The following COMMD10 variants were observed in gnomAD, a reference collection of about 807,000 sequenced individuals.
COMMD10 encodes COMM domain containing 10.
COMMD10 carries 33 observed loss-of-function variants against 28.9 expected under a neutral mutation model. The ratio of observed to expected loss-of-function variants is 1.14; its 90% confidence interval spans 0.87 to 1.53. The LOEUF (loss-of-function observed/expected upper bound fraction) is 1.53. Among genes scored for constraint, COMMD10 ranks in the 40% most tolerant of loss-of-function variants. The probability of loss-of-function intolerance (pLI) is 0.00; values close to 1 mark genes in which losing one functional copy is unlikely to be tolerated. For missense variants in COMMD10, 310 were observed against 233.4 expected (o/e 1.33, Z -2.14); for synonymous variants, 110 against 81.7 (o/e 1.35, Z -1.87).
At chr5:116,168,557 A>G (rs1196580705) in intron 5 of COMMD10, among the ~76,000 whole-genome samples, 2 of 152,158 alleles carry the variant, frequency 1.3e-5, no homozygotes, top group Admixed American at 1.3e-4. Context: ...TCCCGCACTT[A>G]TTCTAAAATT....
chr5:116,104,714 AG>A (rs1281148928), intron 4 of COMMD10, among the ~76,000 whole-genome samples: 1 of 150,890 alleles, frequency 6.6e-6, no homozygotes, highest in Non-Finnish European at 1.5e-5. Context: ...CCTCCTCCCG[AG>A]TTCATGCCAT....
chr5:116,186,499 C>G (rs1021635128), intron 5 of COMMD10, among the ~76,000 whole-genome samples: 3 of 152,158 alleles, frequency 2.0e-5, no homozygotes, highest in Non-Finnish European at 4.4e-5. Context: ...CCTTCCTCAA[C>G]TCCTCCCACC....
In COMMD10 at chr5:116,270,033, A is replaced by G. The variant is rs568410380; in HGVS notation, c.511-21484A>G. 3.7e-3 allele frequency among the ~76,000 whole-genome samples: 262 copies of G among 71,230 alleles called. 5 individuals are homozygous for G. Among genetic ancestry groups the G allele is most frequent in the African/African-American group, 0.012 (247 of 20,198 alleles). 46.7% of individuals were successfully genotyped at this position (71,230 alleles called of 152,430 possible). A position where few individuals can be genotyped will look rare whatever the true frequency, so the allele number is the denominator to read the frequency against. ...TCAAGCCTTCTAATCTAAGGTTAGT[A>G]AATGGACAGCATTTAAAAAAATATT... On this transcript the variant is annotated intron_variant, in intron 5 of 6. Transcript: ENST00000274458.
At chr5:116,279,564 T>C (rs1211975692) in intron 5 of COMMD10, among the ~76,000 whole-genome samples, 1 of 151,844 alleles carries the variant, frequency 6.6e-6, no homozygotes, top group East Asian at 1.9e-4. Flanking sequence ...ATCACAGGGC[T>C]TGAGGTAGCA....
chr5:116,241,845 C>G (rs909226201), intron 5 of COMMD10, among the ~76,000 whole-genome samples: 10 of 151,764 alleles, frequency 6.6e-5, no homozygotes, highest in African/African-American at 2.2e-4. Context: ...TCTCTATCTC[C>G]TGACCTCGTG....
At chr5:116,271,723 T>C (rs1750762785) in intron 5 of COMMD10, among the ~76,000 whole-genome samples, 1 of 151,918 alleles carries the variant, frequency 6.6e-6, no homozygotes, top group Admixed American at 6.6e-5. Context: ...CCTTGGCTGC[T>C]TCTACAAGAC....
chr5:116,122,481 A>G (rs1333648555), intron 4 of COMMD10, among the ~76,000 whole-genome samples: 2 of 152,168 alleles, frequency 1.3e-5, no homozygotes, highest in Non-Finnish European at 2.9e-5. Flanking sequence ...TTTTGGTTCC[A>G]TATGAACTTT....
intron 5 of COMMD10, among the ~76,000 whole-genome samples, chr5:116,276,007 T>G (rs538574262): frequency 3.3e-5 from 5 of 151,244 alleles, no homozygotes; most frequent in Non-Finnish European, 7.4e-5. Flanking sequence ...ACACACTATG[T>G]TTTGGAAGCC....
At chr5:116,283,721 GC>G (rs1292637199) in intron 5 of COMMD10, among the ~76,000 whole-genome samples, 1 of 151,620 alleles carries the variant, frequency 6.6e-6, no homozygotes, top group East Asian at 1.9e-4. Flanking sequence ...TAGTCTTACT[GC>G]ATAATGGCAG....
intron 5 of COMMD10, among the ~76,000 whole-genome samples, chr5:116,226,891 T>C (rs547869030): frequency 6.6e-6 from 1 of 152,148 alleles, no homozygotes; most frequent in Non-Finnish European, 1.5e-5. Context: ...ATGGTCAGAT[T>C]GCTGAGTTTC....
chr5:116,237,922 TGTC>T (rs555721851), intron 5 of COMMD10, among the ~76,000 whole-genome samples: 231 of 152,290 alleles, frequency 1.5e-3, no homozygotes, highest in African/African-American at 5.3e-3. Context: ...AGGGTCAGAA[TGTC>T]GTCGTTTCAA....
chr5:116,134,032 T>C, intron 4 of COMMD10, 36 bp from the exon 5 acceptor site: 4 of 1,161,890 alleles, frequency 3.4e-6, no homozygotes, highest in Non-Finnish European at 5.2e-6. Flanking sequence ...CTTCCTTCTG[T>C]ACCATCTGAT....
rs567975026 is a variant in COMMD10 at position 116,169,197 on chromosome 5, C to T, written c.510+35019C>T. Among the ~76,000 whole-genome samples the T allele has an allele frequency of 2.0e-5, 3 of 152,142 alleles. No homozygotes were observed. In the East Asian group the frequency reaches 5.8e-4, roughly 29 times the overall value. On this transcript the variant is annotated intron_variant, in intron 5 of 6. Transcript: ENST00000274458. ...ACTGATCCCACAGAAATACAAACTACCATCAGAGAATACTATAAACACCTC... is the reference window on the plus strand; with the variant it reads ...ACTGATCCCACAGAAATACAAACTATCATCAGAGAATACTATAAACACCTC...
chr5:116,228,668 A>G (rs537164531), intron 5 of COMMD10, among the ~76,000 whole-genome samples: 13 of 152,072 alleles, frequency 8.5e-5, no homozygotes, highest in African/African-American at 3.1e-4. Context: ...GTGTTTTTTC[A>G]TGAATATTAG....
chr5:116,154,686 G>A (rs1052147737), intron 5 of COMMD10, among the ~76,000 whole-genome samples: 3 of 152,042 alleles, frequency 2.0e-5, no homozygotes, highest in African/African-American at 4.8e-5. Flanking sequence ...TCATCACACA[G>A]TTTTCCTTAA....
chr5:116,279,895 C>T (rs1010541293), intron 5 of COMMD10, among the ~76,000 whole-genome samples: 3 of 151,786 alleles, frequency 2.0e-5, no homozygotes, highest in African/African-American at 7.3e-5. Flanking sequence ...AAAATACCCT[C>T]AGCAAAGCTT....
intron 4 of COMMD10, among the ~76,000 whole-genome samples, chr5:116,111,537 A>G (rs532693609): frequency 1.3e-5 from 2 of 151,308 alleles, no homozygotes; most frequent in African/African-American, 4.8e-5. Context: ...AAGGTCATTC[A>G]GGGGCATATT....
chr5:116,185,037 T>TA lies in COMMD10; in HGVS notation c.510+50863dup, dbSNP rs775237190. On this transcript the variant is annotated intron_variant, in intron 5 of 6. Coordinates refer to ENST00000274458, the MANE Select transcript of COMMD10 (RefSeq NM_016144.4). ...GAAGGCAGTTATACAAAATGTGTGA[T>TA]AAAAGTTTTGGCACATACAGGTTTC... 3.0e-4 allele frequency among the ~76,000 whole-genome samples: 46 copies of TA among 152,232 alleles called. 1 individual carries two copies. The highest frequency in any genetic ancestry group is 8.3e-4 in the South Asian group (4 of 4,820).
rs562678265 is a variant in COMMD10, at chr5:116,168,792, A to T, written c.510+34614A>T. On this transcript the variant is annotated intron_variant, in intron 5 of 6. Coordinates refer to ENST00000274458, the MANE Select transcript of COMMD10 (RefSeq NM_016144.4). Reference sequence around the variant, plus strand: ...TTCTTTGAAACCAATGAGAACAAAGACACAATGTACCAGAATCTCTGGGAC... The same window carrying T: ...TTCTTTGAAACCAATGAGAACAAAGTCACAATGTACCAGAATCTCTGGGAC... Among the ~76,000 whole-genome samples the T allele has an allele frequency of 1.6e-3, 247 of 152,328 alleles. 3 individuals carry two copies. Among genetic ancestry groups the T allele is most frequent in the African/African-American group, 5.5e-3 (230 of 41,582 alleles).
Sources: allele counts gnomAD v4.1 joint callset (sites outside exome capture counted in the v4.1 genomes callset), GRCh38; gene constraint gnomAD v4.1.1; transcripts MANE v1.5; gene names NCBI Gene and HGNC (gene_info 2026-07-23, HGNC 2026-07-21).